Variants in TNFSF12 observed in about 807,000 individuals in gnomAD.
The protein encoded by TNFSF12 is tumor necrosis factor ligand superfamily member 12.
A neutral mutation model predicts 31.2 loss-of-function variants in TNFSF12; 16 were observed. That is an observed-to-expected ratio of 0.51 (90% confidence interval 0.35 to 0.78). TNFSF12 has a LOEUF of 0.78. TNFSF12 is among the 30% of genes least tolerant of loss of function. TNFSF12 has a pLI of 0.01. For synonymous variants in TNFSF12, 150 were observed against 151.4 expected, an observed-to-expected ratio of 0.99 and a Z score of 0.07; for missense variants, 324 against 338.8, an observed-to-expected ratio of 0.96 and a Z score of 0.34.
chr17:7,549,724 C>T lies in TNFSF12; in HGVS notation c.207+203C>T. ...GTGAGGGGTTTGTGCTGGGGTTGTG[C>T]CACCTGAGTCTGAGGTGTTTATTGG... is the stretch of plus-strand genomic sequence containing the variant. On this transcript the variant is annotated intron_variant, in intron 2 of 6. Coordinates refer to ENST00000293825, the MANE Select transcript of TNFSF12 (RefSeq NM_003809.3). This position sits in a 1 kb window ranked among gnomAD's most constrained non-coding sequence, Gnocchi z 4.1. 1 of 853,474 alleles carries T rather than the reference C, an allele frequency of 1.2e-6. No homozygotes were observed. The highest frequency in any genetic ancestry group is 2.1e-5 in the South Asian group (1 of 48,200). 52.9% of individuals were successfully genotyped at this position (853,474 alleles called of 1,614,324 possible). A position where few individuals can be genotyped will look rare whatever the true frequency, so the allele number is the denominator to read the frequency against.
In TNFSF12 at chr17:7,549,275, T is replaced by C; in HGVS notation, c.122T>C (p.Val41Ala). Residue 41 changes from valine (V) to alanine (A), a missense_variant, in exon 1 of 7, where the codon GTG becomes GCG. Transcript: ENST00000293825. This position sits in a 1 kb window ranked among gnomAD's most constrained non-coding sequence, Gnocchi z 4.1. ...ALACLGLLLA[V>A]VSLGSRASLS... ...GCCTGCCTCGGCCTCCTGCTGGCCG[T>C]GGTCAGTTTGGGGAGCCGGGCATCG... is the stretch of plus-strand genomic sequence containing the variant. 7.2e-7 allele frequency: 1 copy of C among 1,393,876 alleles called. No homozygotes were observed. Among genetic ancestry groups the C allele is most frequent in the Non-Finnish European group, 9.3e-7 (1 of 1,077,162 alleles). The allele number at this position is 1,393,876 out of a possible 1,614,324, so 86.3% of individuals were successfully genotyped here.
chr17:7,549,522 G>C lies in TNFSF12; in HGVS notation c.207+1G>C. ...GGCAGAGGAGGACCAGGACCCGTCG[G>C]TGAGTGGGCGTGGGCGCGGTCTGCA... On this transcript the variant is annotated splice_donor_variant, in intron 2 of 6. Coordinates refer to ENST00000293825, the MANE Select transcript of TNFSF12 (RefSeq NM_003809.3). LOFTEE classifies it high-confidence loss of function. The surrounding 1 kb of genome is among the most constrained non-coding windows in gnomAD (Gnocchi z 4.1). 1 of 1,550,318 alleles carries C rather than the reference G, an allele frequency of 6.5e-7. No individual in the cohort carries two copies. The highest frequency in any genetic ancestry group is 1.4e-5 in the African/African-American group (1 of 73,866).
At chr17:7,556,997 G>A in intron 6 of TNFSF12, 95 bp downstream of exon 6, 2 of 991,156 alleles carry the variant, frequency 2.0e-6, no homozygotes, top group South Asian at 1.5e-5. Flanking sequence ...GGGAGGGTGA[G>A]TTGGGGTTTG....
chr17:7,552,572 G>A (rs563693318), intron 5 of TNFSF12, among the ~76,000 whole-genome samples: 6 of 152,112 alleles, frequency 3.9e-5, no homozygotes, highest in South Asian at 4.1e-4. Context: ...CAGGTGATCC[G>A]CCAGCCTCAG....
intron 5 of TNFSF12, chr17:7,553,568 A>G: frequency 8.7e-7 from 1 of 1,155,330 alleles, no homozygotes; most frequent in East Asian, 5.8e-5. Flanking sequence ...AAGATACTCT[A>G]ATTACCTCCA....
In TNFSF12 at chr17:7,549,592, T is replaced by C; in HGVS notation, c.207+71T>C. 1 of 1,455,962 alleles carries C rather than the reference T, an allele frequency of 6.9e-7. No homozygotes were observed. The highest frequency in any genetic ancestry group is 9.1e-7 in the Non-Finnish European group (1 of 1,097,796). The allele number at this position is 1,455,962 out of a possible 1,614,324, so 90.2% of individuals were successfully genotyped here. The stretch of plus-strand genomic sequence containing the variant: ...GTGTGCACAGCCGAGGCTGCAGGTG[T>C]GTGCAGCTGTGCCAGCCGTACTCGA... On this transcript the variant is annotated intron_variant, in intron 2 of 6. Coordinates refer to ENST00000293825, the MANE Select transcript of TNFSF12 (RefSeq NM_003809.3). This position sits in a 1 kb window ranked among gnomAD's most constrained non-coding sequence, Gnocchi z 4.1.
Position 7,549,870 on chromosome 17 carries a change from T to C in TNFSF12, c.208-250T>C, listed in dbSNP as rs112425803. ...TGCGGGCATGTGTGCAATGTGCCAATTGAATGCAGGGTCTGCGTTGGTTGT... is the reference window on the plus strand; with the variant it reads ...TGCGGGCATGTGTGCAATGTGCCAACTGAATGCAGGGTCTGCGTTGGTTGT... On this transcript the variant is annotated intron_variant, in intron 2 of 6. Coordinates refer to ENST00000293825, the MANE Select transcript of TNFSF12 (RefSeq NM_003809.3). This position sits in a 1 kb window ranked among gnomAD's most constrained non-coding sequence, Gnocchi z 4.1. 2.3e-5 allele frequency: 14 copies of C among 620,260 alleles called. No individual in the cohort carries two copies. Among genetic ancestry groups the C allele is most frequent in the African/African-American group, 3.7e-5 (2 of 54,292 alleles). 38.4% of individuals were successfully genotyped at this position (620,260 alleles called of 1,614,324 possible).
Position 7,553,799 on chromosome 17 carries a change from G to A in TNFSF12, c.373+2821G>A. The stretch of plus-strand genomic sequence containing the variant: ...GAGGACACATCTCCCACCATTACCA[G>A]AGGGTCAAAGGAGAACAAGAGACCA... On this transcript the variant is annotated intron_variant, in intron 5 of 6. Transcript: ENST00000293825. 9 of 1,181,186 alleles carry A rather than the reference G, an allele frequency of 7.6e-6. No homozygotes were observed. In the South Asian group the frequency reaches 1.4e-4, roughly 19 times the overall value. 73.2% of individuals were successfully genotyped at this position (1,181,186 alleles called of 1,614,324 possible). A position where few individuals can be genotyped will look rare whatever the true frequency, so the allele number is the denominator to read the frequency against.
Position 7,557,462 on chromosome 17 carries a change from C to G in TNFSF12, c.*112C>G. On this transcript the variant is annotated 3_prime_UTR_variant, in exon 7 of 7. Coordinates refer to ENST00000293825, the MANE Select transcript of TNFSF12 (RefSeq NM_003809.3). This position sits in a 1 kb window ranked among gnomAD's most constrained non-coding sequence, Gnocchi z 5.2. ...AGCCGCTCTTTGCTCCAGACCTGCC[C>G]CTCCCTCTAGAGGCTGCCTGGGCCT... 1 of 1,411,152 alleles carries G rather than the reference C, an allele frequency of 7.1e-7. No homozygotes were observed. The highest frequency in any genetic ancestry group is 9.4e-7 in the Non-Finnish European group (1 of 1,063,538). The allele number at this position is 1,411,152 out of a possible 1,614,324, so 87.4% of individuals were successfully genotyped here. A position where few individuals can be genotyped will look rare whatever the true frequency, so the allele number is the denominator to read the frequency against.
In TNFSF12 at chr17:7,549,142, C is replaced by T; in HGVS notation, c.-12C>T. Reference sequence around the variant, plus strand: ...TGGGGGGGCGGTGAGGCAGGCACAGCCCCCCGCCCCCATGGCCGCCCGTCG... The same window carrying T: ...TGGGGGGGCGGTGAGGCAGGCACAGTCCCCCGCCCCCATGGCCGCCCGTCG... On this transcript the variant is annotated 5_prime_UTR_variant, in exon 1 of 7. Coordinates refer to ENST00000293825, the MANE Select transcript of TNFSF12 (RefSeq NM_003809.3). This position sits in a 1 kb window ranked among gnomAD's most constrained non-coding sequence, Gnocchi z 4.1. 7.9e-7 allele frequency: 1 copy of T among 1,267,988 alleles called. No homozygotes were observed. Among genetic ancestry groups the T allele is most frequent in the Non-Finnish European group, 9.9e-7 (1 of 1,008,752 alleles). 78.5% of individuals were successfully genotyped at this position (1,267,988 alleles called of 1,614,324 possible).
In TNFSF12 at chr17:7,553,880, T is replaced by C. The variant is rs2071028306; in HGVS notation, c.374-2898T>C. 33 of 1,082,514 alleles carry C rather than the reference T, an allele frequency of 3.0e-5. 2 individuals carry two copies. In the South Asian group the frequency reaches 8.0e-4, roughly 26 times the overall value. The allele number at this position is 1,082,514 out of a possible 1,614,324, so 67.1% of individuals were successfully genotyped here. On this transcript the variant is annotated intron_variant, in intron 5 of 6. Transcript: ENST00000293825. Reference sequence around the variant, plus strand: ...GAGGGAACCTTTGCTCGATGACTTCTAGGTCCTCTGGACAACTAGGGAGAT... The same window carrying C: ...GAGGGAACCTTTGCTCGATGACTTCCAGGTCCTCTGGACAACTAGGGAGAT...
At chr17:7,556,669 T>C (rs2150908924) in intron 5 of TNFSF12, 109 bp from the exon 6 acceptor site, 2 of 1,346,862 alleles carry the variant, frequency 1.5e-6, no homozygotes, top group East Asian at 5.4e-5. Context: ...GATCTATGTG[T>C]CTTCTGGGTA....
chr17:7,552,221 G>C (rs1473552909), intron 5 of TNFSF12, among the ~76,000 whole-genome samples: 2 of 152,072 alleles, frequency 1.3e-5, no homozygotes, highest in Non-Finnish European at 2.9e-5. Flanking sequence ...TAAACAAGCG[G>C]ATAAATGACA....
Position 7,550,762 on chromosome 17 carries a change from G to A in TNFSF12, c.284-37G>A. On this transcript the variant is annotated intron_variant, in intron 3 of 6. Transcript: ENST00000293825. The surrounding 1 kb of genome is among the most constrained non-coding windows in gnomAD (Gnocchi z 4.4). The stretch of plus-strand genomic sequence containing the variant: ...AGAGTTGCTCTGGGACCCCCACTAG[G>A]GCCCGCTTTGCTCATCTGTCTTTCC... 1 of 1,595,750 alleles carries A rather than the reference G, an allele frequency of 6.3e-7. No individual in the cohort carries two copies. The highest frequency in any genetic ancestry group is 8.6e-7 in the Non-Finnish European group (1 of 1,165,206).
rs765689290 is a variant in TNFSF12 at position 7,556,778 on chromosome 17, G to A, written c.374G>A (p.Gly125Asp). The A allele has an allele frequency of 1.4e-5, 22 of 1,519,300 alleles. No individual in the cohort carries two copies. Among genetic ancestry groups the A allele is most frequent in the Non-Finnish European group, 1.8e-5 (20 of 1,132,738 alleles). The allele number at this position is 1,519,300 out of a possible 1,614,324, so 94.1% of individuals were successfully genotyped here. A position where few individuals can be genotyped will look rare whatever the true frequency, so the allele number is the denominator to read the frequency against. Reference protein sequence around the residue: ...PRPGQDGAQAGVDGTVSGWEE... With the variant: ...PRPGQDGAQADVDGTVSGWEE... ...CTTATCTCTGAGCATCCGTGTTCAGGTGTGGACGGGACAGTGAGTGGCTGG... is the reference window on the plus strand; with the variant it reads ...CTTATCTCTGAGCATCCGTGTTCAGATGTGGACGGGACAGTGAGTGGCTGG... Residue 125 changes from glycine to aspartate, a missense_variant and splice_region_variant, in exon 6 of 7, where the codon GGT (glycine) becomes GAT (aspartate). Coordinates refer to ENST00000293825, the MANE Select transcript of TNFSF12 (RefSeq NM_003809.3).
rs1555564686 is a variant in TNFSF12 at position 7,555,973 on chromosome 17, G to GTTTTTTGTTTTTTTTTTTTT, written c.374-799_374-798insGTTTTTTTTTTTTTTTTTTT. The stretch of plus-strand genomic sequence containing the variant: ...GTGGAAATAAAAATGCCCAGTGAGC[G>GTTTTTTGTTTTTTTTTTTTT]TTTTTTTTGTTTTTTTTTTTTTTTG... On this transcript the variant is annotated intron_variant, in intron 5 of 6. Coordinates refer to ENST00000293825, the MANE Select transcript of TNFSF12 (RefSeq NM_003809.3). Among the ~76,000 whole-genome samples, 9 of 70,906 alleles carry GTTTTTTGTTTTTTTTTTTTT rather than the reference G, an allele frequency of 1.3e-4. No individual in the cohort carries two copies. The East Asian group carries it at 1.3e-3, about 10-fold the overall frequency. The allele number at this position is 70,906 out of a possible 152,430, so 46.5% of individuals were successfully genotyped here.
Position 7,549,376 on chromosome 17 carries a change from G to T in TNFSF12, c.159+64G>T. The T allele has an allele frequency of 7.1e-7, 1 of 1,411,804 alleles. No homozygotes were observed. Among genetic ancestry groups the T allele is most frequent in the Non-Finnish European group, 9.3e-7 (1 of 1,070,056 alleles). 87.5% of individuals were successfully genotyped at this position (1,411,804 alleles called of 1,614,324 possible). A position where few individuals can be genotyped will look rare whatever the true frequency, so the allele number is the denominator to read the frequency against. The stretch of plus-strand genomic sequence containing the variant: ...GAGCTGAGACTGCAGAGGGGCCGCT[G>T]GGGGCCGCGTGGGCTGAAGGCAAGG... On this transcript the variant is annotated intron_variant, in intron 1 of 6. Transcript: ENST00000293825. The surrounding 1 kb of genome is among the most constrained non-coding windows in gnomAD (Gnocchi z 4.1).
In TNFSF12 at chr17:7,556,809, A is replaced by C. The variant is rs1456349688; in HGVS notation, c.405A>C (p.Glu135Asp). The change falls in exon 6 of 7, where the codon GAA becomes GAC. Residue 135 changes from glutamate to aspartate, a missense_variant. By Grantham distance (45) the Glu-to-Asp change is conservative. Coordinates refer to ENST00000293825, the MANE Select transcript of TNFSF12 (RefSeq NM_003809.3). ...ACGGGACAGTGAGTGGCTGGGAGGA[A>C]GCCAGAATCAACAGCTCCAGCCCTC... ...GVDGTVSGWEEARINSSSPLR... is the reference protein window; with the variant it reads ...GVDGTVSGWEDARINSSSPLR... 5 of 1,548,056 alleles carry C rather than the reference A, an allele frequency of 3.2e-6. No individual in the cohort carries two copies. The highest frequency in any genetic ancestry group is 2.4e-5 in the South Asian group (2 of 82,106).
At chr17:7,553,957 T>C (rs1314255343) in intron 5 of TNFSF12, 3 of 917,608 alleles carry the variant, frequency 3.3e-6, no homozygotes, top group East Asian at 1.7e-4. Context: ...TTGCTGATTA[T>C]GAAAGCAAGC....
Sources: allele counts gnomAD v4.1 joint callset (sites outside exome capture counted in the v4.1 genomes callset), GRCh38; gene constraint gnomAD v4.1.1; non-coding constraint Gnocchi (gnomAD v3.1); transcripts MANE v1.5; gene names NCBI Gene and HGNC (gene_info 2026-07-23, HGNC 2026-07-21).